The following NSMAF variants were observed in gnomAD, a reference collection of about 807,000 sequenced individuals.
NSMAF encodes neutral sphingomyelinase activation associated factor.
In NSMAF, 90 loss-of-function variants were observed where a neutral mutation model predicts 134.9. That is an observed-to-expected ratio of 0.67 (90% confidence interval 0.56 to 0.79). The LOEUF is 0.79. Ranked by LOEUF, NSMAF falls within the 30% of genes least tolerant of loss-of-function variation. The probability of loss-of-function intolerance (pLI) is 0.00; values close to 1 mark genes in which losing one functional copy is unlikely to be tolerated. For synonymous variants in NSMAF, 358 were observed against 389.6 expected, an observed-to-expected ratio of 0.92 and a Z score of 0.96; for missense variants, 1,010 against 1,119.0, an observed-to-expected ratio of 0.90 and a Z score of 1.39.
chr8:58,620,951 T>C (rs1806776337), intron 9 of NSMAF, among the ~76,000 whole-genome samples: 1 of 152,192 alleles, frequency 6.6e-6, no homozygotes, highest in Non-Finnish European at 1.5e-5. Context: ...TTTTATTATC[T>C]TTTAACTTTT....
intron 9 of NSMAF, among the ~76,000 whole-genome samples, chr8:58,622,073 G>C (rs1362823015): frequency 2.0e-5 from 3 of 152,062 alleles, no homozygotes; most frequent in African/African-American, 7.2e-5. Context: ...TATTTCCTAG[G>C]TTTTCTTCAA....
chr8:58,659,604 C>A lies in NSMAF; in HGVS notation c.28G>T (p.Glu10Ter). The A allele has an allele frequency of 6.7e-7, 1 of 1,495,034 alleles. No individual in the cohort carries two copies. Among genetic ancestry groups the A allele is most frequent in the Non-Finnish European group, 8.9e-7 (1 of 1,125,512 alleles). 92.6% of individuals were successfully genotyped at this position (1,495,034 alleles called of 1,614,324 possible). A position where few individuals can be genotyped will look rare whatever the true frequency, so the allele number is the denominator to read the frequency against. The change falls in exon 1 of 31, where the codon GAG becomes TAG. Residue 10 changes from glutamate (E) to a stop codon, truncating the protein, a stop_gained. Transcript: ENST00000038176. LOFTEE classifies it high-confidence loss of function. ...TTGGAGTAGAGCTGCAGCTGCTGCT[C>A]CTGCTGCTTCTTCCGGATAAACGCC... MAFIRKKQQEQQLQLYSKER... is the reference protein window; with the variant it reads MAFIRKKQQ
In NSMAF at chr8:58,613,780, A is replaced by G. The variant is rs759981962; in HGVS notation, c.558-4047T>C. Among the ~76,000 whole-genome samples, 109 of 152,164 alleles carry G rather than the reference A, an allele frequency of 7.2e-4. 1 individual carries two copies. The highest frequency in any genetic ancestry group is 2.4e-4 in the Non-Finnish European group (16 of 68,034). ...GTATTCCTTATTCAAAACACTTGGGAGCAAAAGTGTTTCGGATTTTGGATT... is the reference window on the plus strand; with the variant it reads ...GTATTCCTTATTCAAAACACTTGGGGGCAAAAGTGTTTCGGATTTTGGATT... On this transcript the variant is annotated intron_variant, in intron 9 of 30. Coordinates refer to ENST00000038176, the MANE Select transcript of NSMAF (RefSeq NM_003580.4).
intron 16 of NSMAF, 173 bp from the exon 17 acceptor site, chr8:58,600,194 G>A (rs1806246582): frequency 1.7e-6 from 1 of 605,270 alleles, no homozygotes. Flanking sequence ...GGAACACTGG[G>A]GCCCAGAGAG....
rs1287626948 is a variant in NSMAF, at chr8:58,585,904, G to A, written c.2543C>T (p.Pro848Leu). ...MLISSMTSDEPQRCFVWDGNS... is the reference protein window; with the variant it reads ...MLISSMTSDELQRCFVWDGNS... The stretch of plus-strand genomic sequence containing the variant: ...AGTAACTCACAAACTATACCTCTGG[G>A]GCTCATCTGATGTCATGGAGGAGAT... The change falls in exon 29 of 31, where the codon CCC becomes CTC. Residue 848 changes from proline (P) to leucine (L), a missense_variant. Transcript: ENST00000038176. 7.4e-6 allele frequency: 12 copies of A among 1,612,324 alleles called. No individual in the cohort carries two copies. The highest frequency in any genetic ancestry group is 1.0e-5 in the Non-Finnish European group (12 of 1,178,782).
At chr8:58,618,299 TA>T (rs949543291) in intron 9 of NSMAF, among the ~76,000 whole-genome samples, 1 of 152,160 alleles carries the variant, frequency 6.6e-6, no homozygotes, top group Non-Finnish European at 1.5e-5. Flanking sequence ...CCCTAGAACT[TA>T]AAGTATAATT....
intron 1 of NSMAF, among the ~76,000 whole-genome samples, chr8:58,648,595 T>G (rs879863990): frequency 3.3e-5 from 5 of 152,178 alleles, no homozygotes; most frequent in Non-Finnish European, 5.9e-5. Flanking sequence ...AAAGAAGGGC[T>G]TAGGGGGCCA....
intron 23 of NSMAF, among the ~76,000 whole-genome samples, chr8:58,593,322 T>A (rs917732801): frequency 2.0e-5 from 3 of 152,216 alleles, no homozygotes; most frequent in Non-Finnish European, 2.9e-5. Context: ...TCCAAGACAG[T>A]ATTTGAAAAA....
intron 23 of NSMAF, among the ~76,000 whole-genome samples, chr8:58,592,908 C>CAA (rs201173954): frequency 1.8e-5 from 2 of 111,566 alleles, no homozygotes; most frequent in Non-Finnish European, 3.5e-5. Flanking sequence ...AAAACAAAAA[C>CAA]AACAACAACA....
rs1806334781 is a variant in NSMAF, at chr8:58,603,480, T to C, written c.869-94A>G. 3.5e-6 allele frequency: 4 copies of C among 1,145,534 alleles called. 1 individual carries two copies. The South Asian group carries it at 6.0e-5, about 17-fold the overall frequency. The allele number at this position is 1,145,534 out of a possible 1,614,324, so 71.0% of individuals were successfully genotyped here. A position where few individuals can be genotyped will look rare whatever the true frequency, so the allele number is the denominator to read the frequency against. ...TAACGTGTAGACCATCCCTGTGCAT[T>C]CTTGAAAAATGCATTGTAAGAAAAA... On this transcript the variant is annotated intron_variant, in intron 12 of 30. Coordinates refer to ENST00000038176, the MANE Select transcript of NSMAF (RefSeq NM_003580.4).
intron 18 of NSMAF, 190 bp downstream of exon 18, chr8:58,599,560 C>A (rs1049217165): frequency 4.6e-6 from 4 of 861,222 alleles, no homozygotes; most frequent in Non-Finnish European, 6.8e-6. Context: ...ACATTAAGGT[C>A]TCTCAAATAT....
At chr8:58,603,062 G>C in intron 13 of NSMAF, 148 bp downstream of exon 13, 1 of 726,456 alleles carries the variant, frequency 1.4e-6, no homozygotes, top group Non-Finnish European at 2.3e-6. Context: ...ATGGAAATTG[G>C]CAGTCCTTAG....
At chr8:58,655,899 C>T (rs556038422) in intron 1 of NSMAF, among the ~76,000 whole-genome samples, 103 of 149,840 alleles carry the variant, frequency 6.9e-4, no homozygotes, top group Non-Finnish European at 1.3e-3. Flanking sequence ...AGTGAGACTC[C>T]GTCTCAATAA....
Position 58,630,600 on chromosome 8 carries a change from G to T in NSMAF, c.384+896C>A, listed in dbSNP as rs182256323. The stretch of plus-strand genomic sequence containing the variant: ...AAACAAGGGGAGCAGTGTACGAGAG[G>T]CATTTGTTAGGGGAAAGAGCTGTAA... On this transcript the variant is annotated intron_variant, in intron 6 of 30. Coordinates refer to ENST00000038176, the MANE Select transcript of NSMAF (RefSeq NM_003580.4). 3.9e-4 allele frequency among the ~76,000 whole-genome samples: 59 copies of T among 152,236 alleles called. No individual in the cohort carries two copies. The East Asian group carries it at 8.1e-3, about 21-fold the overall frequency.
intron 26 of NSMAF, chr8:58,588,329 A>G: frequency 4.0e-6 from 3 of 746,830 alleles, no homozygotes; most frequent in Non-Finnish European, 6.8e-6. Flanking sequence ...TTAACTTGAC[A>G]TTTTCTTTTT....
At chr8:58,637,300 A>G (rs1436205939) in intron 2 of NSMAF, 1 of 455,642 alleles carries the variant, frequency 2.2e-6, no homozygotes, top group African/African-American at 2.0e-5. Flanking sequence ...AGAATCAGCA[A>G]TTTCTCCAAA....
At chr8:58,612,182 A>C (rs1806543344) in intron 9 of NSMAF, among the ~76,000 whole-genome samples, 1 of 152,182 alleles carries the variant, frequency 6.6e-6, no homozygotes, top group Non-Finnish European at 1.5e-5. Context: ...CACCAGAAGG[A>C]CCAAGCCCTG....
intron 2 of NSMAF, among the ~76,000 whole-genome samples, chr8:58,637,909 A>G (rs1054854592): frequency 1.1e-4 from 16 of 152,222 alleles, no homozygotes; most frequent in Admixed American, 7.9e-4. Flanking sequence ...TAATACTGCT[A>G]AAATGTCCAT....
chr8:58,600,764 T>C (rs999733382), intron 16 of NSMAF, among the ~76,000 whole-genome samples: 13 of 112,556 alleles, frequency 1.2e-4, no homozygotes, highest in Admixed American at 3.2e-4. Context: ...TATCTCAGTG[T>C]GGTGGGATAC....
Sources: gnomAD v4.1 joint callset for allele counts (sites outside exome capture counted in the v4.1 genomes callset) on GRCh38, gnomAD v4.1.1 for gene constraint, MANE v1.5 for transcripts, NCBI Gene and HGNC (gene_info 2026-07-23, HGNC 2026-07-21) for gene names.